The following BBS7 variants were observed in gnomAD, a reference collection of about 807,000 sequenced individuals.
BBS7 encodes BBSome complex member BBS7.
Under a neutral mutation model 90.3 loss-of-function variants are expected in BBS7, and 50 were observed. That is an observed-to-expected ratio of 0.55 (90% confidence interval 0.44 to 0.70). The LOEUF (loss-of-function observed/expected upper bound fraction) is 0.70. Among genes scored for constraint, BBS7 ranks in the 30% least tolerant of loss-of-function variants. The pLI is 0.00. For synonymous variants in BBS7, 235 were observed against 287.4 expected, an observed-to-expected ratio of 0.82 and a Z score of 1.85; for missense variants, 729 against 838.9, an observed-to-expected ratio of 0.87 and a Z score of 1.62.
chr4:121,835,204 C>G lies in BBS7; in HGVS notation c.1451G>C (p.Arg484Pro), dbSNP rs200720761. The G allele has an allele frequency of 9.3e-6, 15 of 1,613,842 alleles. No individual in the cohort carries two copies. Among genetic ancestry groups the G allele is most frequent in the African/African-American group, 1.3e-5 (1 of 75,006 alleles). The change falls in exon 14 of 19, where the codon CGC (arginine) becomes CCC (proline). Residue 484 changes from arginine (R) to proline (P), a missense_variant. Physicochemically the swap from Arg to Pro is moderately radical, Grantham distance 103. Coordinates refer to ENST00000264499, the MANE Select transcript of BBS7 (RefSeq NM_176824.3). Reference protein sequence around the residue: ...PRIQPKTCQVRQYHIKPLSLH... With the variant: ...PRIQPKTCQVPQYHIKPLSLH... ...TGAAAGAGGTTTGATGTGGTACTGG[C>G]GGACCTGACAGGTTTTGGGTTGAAT...
At position 121,868,684 on chromosome 4, in the gene BBS7, C is replaced by CAAAAAAAAA. The variant is rs34910805; in HGVS notation, c.37-647_37-639dup. On this transcript the variant is annotated intron_variant, in intron 1 of 18. Coordinates refer to ENST00000264499, the MANE Select transcript of BBS7 (RefSeq NM_176824.3). Reference sequence around the variant, plus strand: ...TGCGTGACAGAACAAGACCCTGTTTCAAAAAAAAAAAAAAAAAAAAAAAAA... The same window carrying CAAAAAAAAA: ...TGCGTGACAGAACAAGACCCTGTTTCAAAAAAAAAAAAAAAAAAAAAAAAAAAAAAAAAA... Among the ~76,000 whole-genome samples the CAAAAAAAAA allele has an allele frequency of 1.3e-3, 66 of 49,688 alleles. 21 individuals are homozygous for CAAAAAAAAA. Among genetic ancestry groups the CAAAAAAAAA allele is most frequent in the African/African-American group, 3.7e-3 (41 of 11,064 alleles). The allele number at this position is 49,688 out of a possible 152,430, so 32.6% of individuals were successfully genotyped here. A position where few individuals can be genotyped will look rare whatever the true frequency, so the allele number is the denominator to read the frequency against.
chr4:121,857,208 C>T (rs1221793217), intron 5 of BBS7, among the ~76,000 whole-genome samples: 2 of 150,388 alleles, frequency 1.3e-5, no homozygotes, highest in Non-Finnish European at 2.9e-5. Context: ...ACCGCAGCCT[C>T]GACCTTCTGG....
chr4:121,866,045 G>C (rs762612264), intron 2 of BBS7, among the ~76,000 whole-genome samples: 1 of 151,994 alleles, frequency 6.6e-6, no homozygotes, highest in Non-Finnish European at 1.5e-5. Flanking sequence ...TAGATCATTT[G>C]CCCACTTTTT....
At chr4:121,866,884 T>G (rs1157652337) in intron 2 of BBS7, among the ~76,000 whole-genome samples, 1 of 152,222 alleles carries the variant, frequency 6.6e-6, no homozygotes, top group Non-Finnish European at 1.5e-5. Context: ...GCTTTGTTCC[T>G]TTTACTCAGG....
intron 7 of BBS7, among the ~76,000 whole-genome samples, chr4:121,853,394 A>G (rs1726427830): frequency 6.6e-6 from 1 of 151,882 alleles, no homozygotes; most frequent in Admixed American, 6.6e-5. Context: ...ACCCCAAACA[A>G]AACTCTTTAT....
intron 13 of BBS7, among the ~76,000 whole-genome samples, chr4:121,837,052 T>C (rs1314912556): frequency 1.3e-5 from 2 of 152,012 alleles, no homozygotes; most frequent in Non-Finnish European, 2.9e-5. Context: ...CTCCGTCTCC[T>C]GGGTTCAAGC....
intron 13 of BBS7, among the ~76,000 whole-genome samples, chr4:121,837,238 A>AT (rs1725505958): frequency 6.6e-6 from 1 of 152,046 alleles, no homozygotes; most frequent in African/African-American, 2.4e-5. Flanking sequence ...AAGTGCTAAG[A>AT]TTGCAGGCGT....
chr4:121,843,995 C>A lies in BBS7; in HGVS notation c.1237G>T (p.Val413Phe). Reference sequence around the variant, plus strand: ...TCCACATCAAGTAAATCTATTGGAACATCACTCTATAGTCAATATTAAAAA... The same window carrying A: ...TCCACATCAAGTAAATCTATTGGAAAATCACTCTATAGTCAATATTAAAAA... Reference protein sequence around the residue: ...AIDNVLIQSDVPIDLLDVDKN... With the variant: ...AIDNVLIQSDFPIDLLDVDKN... Residue 413 changes from valine to phenylalanine, a missense_variant, in exon 12 of 19, where the codon GTT (valine) becomes TTT (phenylalanine). Transcript: ENST00000264499. 6.3e-7 allele frequency: 1 copy of A among 1,585,906 alleles called. No homozygotes were observed. Among genetic ancestry groups the A allele is most frequent in the Non-Finnish European group, 8.6e-7 (1 of 1,159,206 alleles).
At chr4:121,870,171 CTCCGCACCAGCTCCTGGCGACCGAG>C (rs1727507845) in intron 1 of BBS7, 82 bp downstream of exon 1, 1 of 1,474,248 alleles carries the variant, frequency 6.8e-7, no homozygotes, top group Admixed American at 1.7e-5. Flanking sequence ...GCTCCTTCGC[CTCCGCACCAGCTCCTGGCGACCGAG>C]ACTTTCGTCA....
At chr4:121,860,607 T>C (rs1057374952) in intron 4 of BBS7, among the ~76,000 whole-genome samples, 1 of 152,202 alleles carries the variant, frequency 6.6e-6, no homozygotes, top group African/African-American at 2.4e-5. Context: ...TTACTTTCAG[T>C]ATTCCATAAT....
At chr4:121,855,900 GTGTATATA>G (rs899989641) in intron 5 of BBS7, among the ~76,000 whole-genome samples, 7 of 142,132 alleles carry the variant, frequency 4.9e-5, no homozygotes, top group African/African-American at 1.1e-4. Context: ...ATACATGTAT[GTGTATATA>G]TGTATATATG....
chr4:121,867,899 A>G, intron 2 of BBS7, 82 bp downstream of exon 2: 6 of 1,197,138 alleles, frequency 5.0e-6, no homozygotes, highest in Non-Finnish European at 7.4e-6. Flanking sequence ...TTAAGAGAAT[A>G]ACTTAATAAT....
chr4:121,868,684 CAAAAA>C (rs34910805), intron 1 of BBS7, among the ~76,000 whole-genome samples: 4 of 49,688 alleles, frequency 8.1e-5, no homozygotes, highest in African/African-American at 3.6e-4. Flanking sequence ...GACCCTGTTT[CAAAAA>C]AAAAAAAAAA....
chr4:121,861,536 AAAGGAGAGG>A lies in BBS7; in HGVS notation c.300_308del (p.Leu101_Phe103del). The stretch of plus-strand genomic sequence containing the variant: ...TAATGCTTTCAGTGAGGTTTGTTTC[AAAGGAGAGG>A]AACTGTTTTCCTCTTTTTGTGAAGC... On this transcript the variant is annotated inframe_deletion, in exon 4 of 19. Coordinates refer to ENST00000264499, the MANE Select transcript of BBS7 (RefSeq NM_176824.3). 1 of 1,613,732 alleles carries A rather than the reference AAAGGAGAGG, an allele frequency of 6.2e-7. No individual in the cohort carries two copies. Among genetic ancestry groups the A allele is most frequent in the South Asian group, 1.1e-5 (1 of 91,038 alleles).
At chr4:121,844,318 TATAA>T (rs1725893520) in intron 11 of BBS7, among the ~76,000 whole-genome samples, 1 of 152,234 alleles carries the variant, frequency 6.6e-6, no homozygotes, top group Non-Finnish European at 1.5e-5. Flanking sequence ...TACCATGAGC[TATAA>T]ATAATCACAT....
intron 15 of BBS7, among the ~76,000 whole-genome samples, chr4:121,831,865 T>C (rs958944774): frequency 2.0e-5 from 3 of 152,168 alleles, no homozygotes; most frequent in African/African-American, 4.8e-5. Flanking sequence ...TCTTGCTCTC[T>C]AGTTGAGACT....
At chr4:121,841,519 T>C (rs1164847307) in intron 12 of BBS7, among the ~76,000 whole-genome samples, 1 of 152,010 alleles carries the variant, frequency 6.6e-6, no homozygotes, top group African/African-American at 2.4e-5. Context: ...TAAGCTATGA[T>C]CACGCCACTG....
intron 11 of BBS7, among the ~76,000 whole-genome samples, chr4:121,844,835 T>A (rs1208776089): frequency 2.6e-5 from 4 of 151,150 alleles, no homozygotes; most frequent in African/African-American, 9.7e-5. Context: ...TTTGGGGCTT[T>A]AAAAAAAAAT....
At position 121,863,700 on chromosome 4, in the gene BBS7, T is replaced by C. The variant is rs553977749; in HGVS notation, c.103-421A>G. Reference sequence around the variant, plus strand: ...TAAGATTAACTTTTAAAACAGATTATCAAATAAAGTTGTGACTGACATATT... The same window carrying C: ...TAAGATTAACTTTTAAAACAGATTACCAAATAAAGTTGTGACTGACATATT... On this transcript the variant is annotated intron_variant, in intron 2 of 18. Coordinates refer to ENST00000264499, the MANE Select transcript of BBS7 (RefSeq NM_176824.3). Among the ~76,000 whole-genome samples the C allele has an allele frequency of 8.5e-5, 13 of 152,238 alleles. No homozygotes were observed. The East Asian group carries it at 2.3e-3, about 27-fold the overall frequency.
Sources: gnomAD v4.1 joint callset for allele counts (sites outside exome capture counted in the v4.1 genomes callset) on GRCh38, gnomAD v4.1.1 for gene constraint, MANE v1.5 for transcripts, NCBI Gene and HGNC (gene_info 2026-07-23, HGNC 2026-07-21) for gene names.